The following DMD variants were observed in gnomAD, a reference collection of about 807,000 sequenced individuals.
DMD encodes mutant dystrophin.
DMD carries 63 observed loss-of-function variants against 330.1 expected under a neutral mutation model. The observed-to-expected ratio is 0.19, with a 90% CI of 0.16 to 0.24. DMD has a LOEUF of 0.24. Among genes scored for constraint, DMD ranks in the 10% least tolerant of loss-of-function variants. The pLI is 1.00. For synonymous variants in DMD, 1,223 were observed against 959.8 expected, an observed-to-expected ratio of 1.27 and a Z score of -5.07; for missense variants, 3,344 against 2,684.1, an observed-to-expected ratio of 1.25 and a Z score of -5.43.
chrX:32,585,995 T>C (rs939959346), intron 13 of DMD, among the ~76,000 whole-genome samples: 8 of 110,960 alleles, frequency 7.2e-5, no homozygotes, highest in African/African-American at 2.6e-4. Flanking sequence ...GCGTTAACTG[T>C]ATACTTACAG....
At chrX:32,066,643 G>T (rs187403484) in intron 44 of DMD, among the ~76,000 whole-genome samples, 3,009 of 111,268 alleles carry the variant, frequency 0.027, 113 homozygotes, top group African/African-American at 0.092. Context: ...AGAGCAGGGC[G>T]TTTTTGTCTT....
intron 50 of DMD, among the ~76,000 whole-genome samples, chrX:31,786,496 A>G (rs2091307097): frequency 9.0e-6 from 1 of 110,919 alleles, no homozygotes; most frequent in Non-Finnish European, 1.9e-5. Flanking sequence ...AAAATAATCG[A>G]TTTATTTTAT....
At chrX:31,831,824 G>T (rs6653858) in intron 49 of DMD, among the ~76,000 whole-genome samples, 1 of 111,454 alleles carries the variant, frequency 9.0e-6, no homozygotes, top group Non-Finnish European at 1.9e-5. Context: ...GGATGGTCTC[G>T]ATCTCCTGAC....
intron 60 of DMD, among the ~76,000 whole-genome samples, chrX:31,390,083 T>C (rs188661059): frequency 1.2e-3 from 128 of 111,050 alleles, no homozygotes; most frequent in African/African-American, 3.7e-3. Flanking sequence ...CCTCAGATAA[T>C]TTGGGAGGGT....
chrX:33,113,502 A>G (rs749073397), intron 1 of DMD, among the ~76,000 whole-genome samples: 2 of 112,228 alleles, frequency 1.8e-5, no homozygotes, highest in Admixed American at 1.9e-4. Flanking sequence ...AATAAGAAAC[A>G]TTAGATTTGT....
At chrX:33,115,001 A>G (rs767944991) in intron 1 of DMD, among the ~76,000 whole-genome samples, 1 of 112,359 alleles carries the variant, frequency 8.9e-6, no homozygotes, top group African/African-American at 3.2e-5. Context: ...GGCAATCAAC[A>G]TCTCATTTAA....
intron 42 of DMD, among the ~76,000 whole-genome samples, chrX:32,292,900 A>G (rs1356822332): frequency 2.7e-5 from 3 of 112,458 alleles, no homozygotes; most frequent in Non-Finnish European, 5.6e-5. Flanking sequence ...GAACCTTATA[A>G]AAAGCAACTG....
intron 13 of DMD, among the ~76,000 whole-genome samples, chrX:32,585,960 G>A (rs808559): frequency 0.25 from 27,650 of 109,113 alleles, 2,671 homozygotes; most frequent in East Asian, 0.51. Context: ...ACAACAGACC[G>A]TGTATTAACA....
intron 44 of DMD, among the ~76,000 whole-genome samples, chrX:32,114,906 C>A (rs982547627): frequency 7.1e-5 from 8 of 112,265 alleles, no homozygotes; most frequent in African/African-American, 2.3e-4. Flanking sequence ...TTTTTTGATG[C>A]ATGCTTCCAG....
intron 12 of DMD, among the ~76,000 whole-genome samples, chrX:32,603,829 A>G (rs1438111725): frequency 9.0e-6 from 1 of 111,524 alleles, no homozygotes; most frequent in East Asian, 2.8e-4. Flanking sequence ...TGGACAGACC[A>G]ATAACAAATA....
intron 55 of DMD, among the ~76,000 whole-genome samples, chrX:31,518,099 G>T (rs1180218465): frequency 1.8e-5 from 2 of 111,185 alleles, no homozygotes; most frequent in African/African-American, 6.6e-5. Flanking sequence ...CTATATGGGT[G>T]CCAGTTCTAA....
rs1014003788 is a variant in DMD at position 33,055,649 on chromosome X, T to C, written c.32-35449A>G. Among the ~76,000 whole-genome samples, 8 of 111,872 alleles carry C rather than the reference T, an allele frequency of 7.2e-5. No individual in the cohort carries two copies. The Admixed American group carries it at 7.6e-4, about 11-fold the overall frequency. ...AAAGGTAATGCTGTAGCAGTTATAA[T>C]TGTATTCCAGGACTTGCGGGCTACT... On this transcript the variant is annotated intron_variant, in intron 1 of 78. Transcript: ENST00000357033.
At chrX:32,146,485 C>T (rs2096779138) in intron 44 of DMD, among the ~76,000 whole-genome samples, 1 of 111,161 alleles carries the variant, frequency 9.0e-6, no homozygotes, top group African/African-American at 3.3e-5. Flanking sequence ...AGCGTATGAT[C>T]TTTGTCCTAT....
In DMD at chrX:31,245,548, T is replaced by A. The variant is rs926762957; in HGVS notation, c.9286+15407A>T. Among the ~76,000 whole-genome samples, 12 of 112,264 alleles carry A rather than the reference T, an allele frequency of 1.1e-4. 1 individual carries two copies. In the South Asian group the frequency reaches 1.9e-3, roughly 18 times the overall value. On this transcript the variant is annotated intron_variant, in intron 63 of 78. Coordinates refer to ENST00000357033, the MANE Select transcript of DMD (RefSeq NM_004006.3). ...TGTGAAAATTGCATTGTTTACAAACTGAAGGTTTGTGGCAATCCTGTGTTG... is the reference window on the plus strand; with the variant it reads ...TGTGAAAATTGCATTGTTTACAAACAGAAGGTTTGTGGCAATCCTGTGTTG...
intron 51 of DMD, among the ~76,000 whole-genome samples, chrX:31,740,391 C>T (rs992377999): frequency 9.0e-6 from 1 of 111,650 alleles, no homozygotes; most frequent in African/African-American, 3.3e-5. Flanking sequence ...GGCCCAGTAA[C>T]ATAAGTGATA....
In DMD at chrX:33,041,561, T is replaced by A; in HGVS notation, c.32-21361A>T. 3.3e-6 allele frequency: 4 copies of A among 1,208,587 alleles called. No individual in the cohort carries two copies. The East Asian group carries it at 1.2e-4, about 36-fold the overall frequency. ...TATGACATCAAAAAGCAGGCAGAGA[T>A]CCTACAAGAATCCCGGATGATGATC... On this transcript the variant is annotated intron_variant, in intron 1 of 78. Transcript: ENST00000357033.
chrX:33,153,507 T>G (rs2048369599), intron 1 of DMD, among the ~76,000 whole-genome samples: 1 of 112,864 alleles, frequency 8.9e-6, no homozygotes, highest in African/African-American at 3.2e-5. Context: ...TGTTACGCAA[T>G]TTTTCAAAAG....
In DMD at chrX:33,325,413, A is replaced by G. The variant is rs752551515; in HGVS notation, c.7+13846T>C. On this transcript the variant is annotated intron_variant, in intron 1 of 17. Transcript: ENST00000288447. Reference sequence around the variant, plus strand: ...AATTAATTTGTTCACTTCTTTATTAATTTTCTAATATCACAAAGCTATGCA... The same window carrying G: ...AATTAATTTGTTCACTTCTTTATTAGTTTTCTAATATCACAAAGCTATGCA... Among the ~76,000 whole-genome samples, 5 of 112,057 alleles carry G rather than the reference A, an allele frequency of 4.5e-5. No individual in the cohort carries two copies. In the South Asian group the frequency reaches 1.8e-3, roughly 41 times the overall value.
rs376586680 is a variant in DMD at position 33,109,952 on chromosome X, T to TA, written c.32-89753dup. 8.5e-3 allele frequency among the ~76,000 whole-genome samples: 876 copies of TA among 103,403 alleles called. 12 individuals are homozygous for TA. The highest frequency in any genetic ancestry group is 0.028 in the African/African-American group (807 of 28,694). The allele number at this position is 103,403 out of a possible 115,157, so 89.8% of individuals were successfully genotyped here. A position where few individuals can be genotyped will look rare whatever the true frequency, so the allele number is the denominator to read the frequency against. ...CAGAATAGGATGCCCAACAATGGTTTAAAAAAAAAAAAGGTTTTTTTGTTT... is the reference window on the plus strand; with the variant it reads ...CAGAATAGGATGCCCAACAATGGTTTAAAAAAAAAAAAAGGTTTTTTTGTTT... On this transcript the variant is annotated intron_variant, in intron 1 of 78. Transcript: ENST00000357033.
Sources: gnomAD v4.1 joint callset for allele counts (sites outside exome capture counted in the v4.1 genomes callset) on GRCh38, gnomAD v4.1.1 for gene constraint, MANE v1.5 for transcripts, NCBI Gene and HGNC (gene_info 2026-07-23, HGNC 2026-07-21) for gene names.